Variants in HECW2 observed in about 807,000 individuals in gnomAD.
HECW2 encodes the protein HECT, C2 and WW domain containing E3 ubiquitin protein ligase 2.
HECW2 carries 61 observed loss-of-function variants against 175.2 expected under a neutral mutation model. That is an observed-to-expected ratio of 0.35 (90% CI 0.28 to 0.43). The LOEUF (loss-of-function observed/expected upper bound fraction) is 0.43. Among genes scored for constraint, HECW2 ranks in the 20% least tolerant of loss-of-function variants. The pLI is 1.00. For synonymous variants in HECW2, 671 were observed against 731.0 expected (o/e 0.92, Z 1.32); for missense variants, 1,524 against 2,000.5 (o/e 0.76, Z 4.54).
At chr2:196,412,859 C>T (rs1465632044) in intron 2 of HECW2, among the ~76,000 whole-genome samples, 7 of 152,034 alleles carry the variant, frequency 4.6e-5, no homozygotes, top group African/African-American at 1.7e-4. Context: ...ATCCTTTTAC[C>T]CCAGTTCAAC....
At chr2:196,386,193 G>A (rs527828026) in intron 2 of HECW2, among the ~76,000 whole-genome samples, 26 of 152,284 alleles carry the variant, frequency 1.7e-4, no homozygotes, top group African/African-American at 3.4e-4. Flanking sequence ...ACATTCTAGC[G>A]GGAGATGGAA....
At chr2:196,406,705 CCT>C (rs1334829053) in intron 2 of HECW2, among the ~76,000 whole-genome samples, 1 of 152,202 alleles carries the variant, frequency 6.6e-6, no homozygotes, top group South Asian at 2.1e-4. Flanking sequence ...CCACTCTGGC[CCT>C]CTCTCTGTTC....
intron 2 of HECW2, among the ~76,000 whole-genome samples, chr2:196,400,778 CT>C (rs1694795643): frequency 6.6e-6 from 1 of 151,064 alleles, no homozygotes; most frequent in South Asian, 2.1e-4. Context: ...CTCTTTTGCC[CT>C]CTCCTCTCTC....
chr2:196,537,102 T>C (rs1689046385), intron 1 of HECW2, among the ~76,000 whole-genome samples: 1 of 152,152 alleles, frequency 6.6e-6, no homozygotes, highest in Non-Finnish European at 1.5e-5. Flanking sequence ...TCCTTCTCCC[T>C]CCATATCTCA....
At chr2:196,497,592 T>G (rs979403961) in intron 1 of HECW2, among the ~76,000 whole-genome samples, 1 of 152,114 alleles carries the variant, frequency 6.6e-6, no homozygotes. Flanking sequence ...TCTCTGACCT[T>G]CTCCTATGTT....
intron 4 of HECW2, among the ~76,000 whole-genome samples, chr2:196,332,158 T>C (rs1249109237): frequency 6.6e-6 from 1 of 151,602 alleles, no homozygotes; most frequent in African/African-American, 2.4e-5. Context: ...ACCACATGAT[T>C]AGCATGACAG....
At chr2:196,570,171 G>A (rs999487117) in intron 1 of HECW2, among the ~76,000 whole-genome samples, 174 of 152,254 alleles carry the variant, frequency 1.1e-3, no homozygotes, top group African/African-American at 3.8e-3. Context: ...GTCATTAAAC[G>A]TTGTAAGGTC....
chr2:196,210,126 C>T (rs972862491), intron 28 of HECW2, among the ~76,000 whole-genome samples: 1 of 152,124 alleles, frequency 6.6e-6, no homozygotes, highest in Non-Finnish European at 1.5e-5. Flanking sequence ...TTCCGGTATA[C>T]TGGCTGATAA....
chr2:196,512,303 T>C (rs1687978001), intron 1 of HECW2, among the ~76,000 whole-genome samples: 1 of 152,238 alleles, frequency 6.6e-6, no homozygotes, highest in Non-Finnish European at 1.5e-5. Flanking sequence ...TAAAGCAAAT[T>C]TGTGACCCAC....
chr2:196,487,008 G>A (rs922754159), intron 1 of HECW2, among the ~76,000 whole-genome samples: 4 of 152,026 alleles, frequency 2.6e-5, no homozygotes, highest in African/African-American at 9.7e-5. Context: ...CATGAGCCAG[G>A]CATGGTGGCA....
At chr2:196,590,663 T>C (rs183897698) in intron 1 of HECW2, among the ~76,000 whole-genome samples, 33 of 152,332 alleles carry the variant, frequency 2.2e-4, no homozygotes, top group African/African-American at 7.0e-4. Context: ...ATTTCATTGA[T>C]GTGTAGGCAC....
intron 1 of HECW2, among the ~76,000 whole-genome samples, chr2:196,561,095 CA>C (rs1689986162): frequency 1.3e-5 from 2 of 152,148 alleles, no homozygotes; most frequent in African/African-American, 4.8e-5. Context: ...CTCTTATTAC[CA>C]AAAACGGGTA....
intron 28 of HECW2, among the ~76,000 whole-genome samples, chr2:196,201,877 A>G (rs1214488132): frequency 6.6e-6 from 1 of 152,182 alleles, no homozygotes; most frequent in Non-Finnish European, 1.5e-5. Context: ...GGCCTGCCTC[A>G]TGGCTTAGAG....
intron 16 of HECW2, among the ~76,000 whole-genome samples, chr2:196,272,136 T>C (rs1689763786): frequency 6.6e-6 from 1 of 152,174 alleles, no homozygotes; most frequent in Non-Finnish European, 1.5e-5. Flanking sequence ...ATGTACTAGT[T>C]GGCAGCAACA....
At chr2:196,364,305 T>C (rs1157886745) in intron 2 of HECW2, among the ~76,000 whole-genome samples, 5 of 152,250 alleles carry the variant, frequency 3.3e-5, no homozygotes, top group Non-Finnish European at 7.3e-5. Flanking sequence ...ACTATCATAA[T>C]GGAATTAGAT....
intron 17 of HECW2, chr2:196,269,491 A>G (rs1575329228): frequency 2.2e-5 from 2 of 92,896 alleles, no homozygotes; most frequent in Admixed American, 2.8e-4. Context: ...GTCTCCCCCT[A>G]CCTCCAAAAA....
chr2:196,232,084 C>T (rs138625767), intron 21 of HECW2, among the ~76,000 whole-genome samples: 20 of 152,170 alleles, frequency 1.3e-4, no homozygotes, highest in East Asian at 1.9e-4. Flanking sequence ...AGTGAGCACC[C>T]GTCAGCCATG....
intron 1 of HECW2, among the ~76,000 whole-genome samples, chr2:196,458,934 T>A (rs895963480): frequency 6.6e-6 from 1 of 152,194 alleles, no homozygotes; most frequent in African/African-American, 2.4e-5. Flanking sequence ...CATGACTAAT[T>A]AACTACTAGT....
At chr2:196,522,828 A>G (rs961677218) in intron 1 of HECW2, among the ~76,000 whole-genome samples, 58 of 152,016 alleles carry the variant, frequency 3.8e-4, no homozygotes, top group Admixed American at 7.2e-4. Context: ...GTTCTGTTCC[A>G]TTGATCTATA....
Sources: gnomAD v4.1 joint callset for allele counts (sites outside exome capture counted in the v4.1 genomes callset) on GRCh38, gnomAD v4.1.1 for gene constraint, MANE v1.5 for transcripts, NCBI Gene and HGNC (gene_info 2026-07-23, HGNC 2026-07-21) for gene names.